The following FABP7 variants were observed in gnomAD, a reference collection of about 807,000 sequenced individuals.
FABP7 encodes the protein fatty acid-binding protein, brain.
A neutral mutation model predicts 14.2 loss-of-function variants in FABP7; 13 were observed. That is an observed-to-expected ratio of 0.91 (90% CI 0.59 to 1.45). FABP7 has a LOEUF of 1.45. Ranked by LOEUF, FABP7 falls within the 40% of genes most tolerant of loss-of-function variation. The pLI is 0.00. For synonymous variants in FABP7, 49 were observed against 51.4 expected (o/e 0.95, Z 0.20); for missense variants, 149 against 157.6 (o/e 0.95, Z 0.29).
chr6:122,758,118 T>TTC, the FABP7 span, among the ~76,000 whole-genome samples: 269 of 145,226 alleles, frequency 1.9e-3, 5 homozygotes, highest in South Asian at 0.039. Context: ...TTTTTTTTTT[T>TTC]TTTTTTAATT....
chr6:122,777,536 T>A (rs969325228), upstream of FABP7, among the ~76,000 whole-genome samples: 2 of 152,132 alleles, frequency 1.3e-5, no homozygotes, highest in African/African-American at 4.8e-5. Flanking sequence ...CAAAACAGAC[T>A]CTTTGTGTCA....
chr6:122,778,556 C>T (rs1192423037), upstream of FABP7, among the ~76,000 whole-genome samples: 1 of 152,178 alleles, frequency 6.6e-6, no homozygotes. Context: ...TTCTCCTGCT[C>T]TGTCCCCAGG....
At chr6:122,767,681 TG>T in the FABP7 span, among the ~76,000 whole-genome samples, 9 of 139,810 alleles carry the variant, frequency 6.4e-5, no homozygotes, top group Admixed American at 6.0e-4. Context: ...GAGACAGAGG[TG>T]GGGGGATAGC....
chr6:122,780,500 A>AG (rs1325133781), intron 2 of FABP7, 37 bp downstream of exon 2: 1 of 1,585,626 alleles, frequency 6.3e-7, no homozygotes, highest in Non-Finnish European at 8.6e-7. Flanking sequence ...GGGGATGGGG[A>AG]GAGGGGAATA....
At chr6:122,759,168 T>C in the FABP7 span, among the ~76,000 whole-genome samples, 3 of 152,200 alleles carry the variant, frequency 2.0e-5, no homozygotes, top group Non-Finnish European at 4.4e-5. Context: ...TTTTGTAGAG[T>C]ATGACAGTAC....
At chr6:122,760,791 T>C in the FABP7 span, among the ~76,000 whole-genome samples, 1 of 152,116 alleles carries the variant, frequency 6.6e-6, no homozygotes. Flanking sequence ...ACAATTTTGA[T>C]ATATAATAGT....
Position 122,780,296 on chromosome 6 carries a change from G to A in FABP7, c.79G>A (p.Gly27Ser). The change falls in exon 2 of 4, where the codon GGC (glycine) becomes AGC (serine). Residue 27 changes from glycine to serine, a missense_variant. Physicochemically the swap from Gly to Ser is moderately conservative, Grantham distance 56 (BLOSUM62 0). Coordinates refer to ENST00000368444, the MANE Select transcript of FABP7 (RefSeq NM_001446.5). ...TGTTCCCTTTGCTATTTTAGGCGTG[G>A]GCTTTGCCACTAGGCAGGTGGGAAA... ...FDEYMKALGV[G>S]FATRQVGNVT... 6.2e-7 allele frequency: 1 copy of A among 1,614,054 alleles called. No homozygotes were observed. Among genetic ancestry groups the A allele is most frequent in the Admixed American group, 1.7e-5 (1 of 59,990 alleles).
At chr6:122,751,163 A>G in the FABP7 span, among the ~76,000 whole-genome samples, 1 of 152,218 alleles carries the variant, frequency 6.6e-6, no homozygotes, top group Non-Finnish European at 1.5e-5. Context: ...CACTTACTCT[A>G]AATTAATTCA....
the FABP7 span, among the ~76,000 whole-genome samples, chr6:122,767,497 T>C: frequency 5.9e-5 from 9 of 152,086 alleles, no homozygotes; most frequent in African/African-American, 2.2e-4. Context: ...TGGTGAAATG[T>C]TCAATAAGTG....
At chr6:122,771,229 A>T in the FABP7 span, among the ~76,000 whole-genome samples, 1 of 152,152 alleles carries the variant, frequency 6.6e-6, no homozygotes, top group Non-Finnish European at 1.5e-5. Context: ...GTGTTCTGGG[A>T]GTATTCCTGA....
At chr6:122,782,803 G>A in intron 3 of FABP7, 1 of 984,670 alleles carries the variant, frequency 1.0e-6, no homozygotes, top group Non-Finnish European at 1.2e-6. Context: ...AGATGGAGGT[G>A]GGGAGCAGAG....
chr6:122,755,310 T>C, the FABP7 span, among the ~76,000 whole-genome samples: 1 of 152,068 alleles, frequency 6.6e-6, no homozygotes, highest in African/African-American at 2.4e-5. Context: ...TACTTCTTTT[T>C]ATTATTAATT....
the FABP7 span, among the ~76,000 whole-genome samples, chr6:122,770,767 C>T: frequency 6.6e-6 from 1 of 152,246 alleles, no homozygotes; most frequent in South Asian, 2.1e-4. Flanking sequence ...CAGACCTATA[C>T]GATCTCTGTC....
At chr6:122,756,105 G>C in the FABP7 span, among the ~76,000 whole-genome samples, 1 of 152,146 alleles carries the variant, frequency 6.6e-6, no homozygotes, top group Non-Finnish European at 1.5e-5. Context: ...CAACGGGAGA[G>C]AGCAGATGAT....
intron 3 of FABP7, chr6:122,782,031 C>T: frequency 1.0e-6 from 1 of 984,220 alleles, no homozygotes. Context: ...GGATTACAGG[C>T]CTGAGCCAAG....
the FABP7 span, among the ~76,000 whole-genome samples, chr6:122,770,901 A>T: frequency 6.6e-6 from 1 of 152,228 alleles, no homozygotes; most frequent in African/African-American, 2.4e-5. Context: ...AGGGTAAAAC[A>T]GTATTTCCAA....
chr6:122,783,290 C>T lies in FABP7; in HGVS notation c.349-427C>T, dbSNP rs919107853. 2.9e-5 allele frequency: 29 copies of T among 985,244 alleles called. No homozygotes were observed. The African/African-American group carries it at 5.1e-4, about 17-fold the overall frequency. The allele number at this position is 985,244 out of a possible 1,614,324, so 61.0% of individuals were successfully genotyped here. ...ATTTTGGAACAAGTCATTCCAAATA[C>T]CATCAGCTCAAATGACTGGATTTTC... is the stretch of plus-strand genomic sequence containing the variant. On this transcript the variant is annotated intron_variant, in intron 3 of 3. Transcript: ENST00000368444.
the FABP7 span, among the ~76,000 whole-genome samples, chr6:122,760,500 C>G: frequency 1.3e-5 from 2 of 150,594 alleles, no homozygotes; most frequent in Non-Finnish European, 3.0e-5. Flanking sequence ...TACCATCTTG[C>G]TCTTTGATTT....
At chr6:122,781,350 C>A (rs1305808527) in intron 3 of FABP7, 156 bp downstream of exon 3, 1 of 1,475,226 alleles carries the variant, frequency 6.8e-7, no homozygotes. Context: ...ATATGTAAAA[C>A]AGGGGAAACA....
Sources: gnomAD v4.1 joint callset for allele counts (sites outside exome capture counted in the v4.1 genomes callset) on GRCh38, gnomAD v4.1.1 for gene constraint, MANE v1.5 for transcripts, NCBI Gene and HGNC (gene_info 2026-07-23, HGNC 2026-07-21) for gene names.